Variants in DST observed in about 807,000 individuals in gnomAD.
The protein encoded by DST is bullous pemphigoid antigen.
In DST, 253 loss-of-function variants were observed where a neutral mutation model predicts 875.2. The observed-to-expected ratio is 0.29, with a 90% CI of 0.26 to 0.32. The LOEUF is 0.32. Among genes scored for constraint, DST ranks in the 10% least tolerant of loss-of-function variants. DST has a pLI of 1.00. For synonymous variants in DST, 3,124 were observed against 3,197.1 expected (o/e 0.98, Z 0.77); for missense variants, 8,287 against 9,111.6 (o/e 0.91, Z 3.68).
chr6:56,521,432 C>A (rs2096700107), intron 69 of DST, among the ~76,000 whole-genome samples: 1 of 149,876 alleles, frequency 6.7e-6, no homozygotes, highest in Non-Finnish European at 1.5e-5. Flanking sequence ...TAAAGACAGT[C>A]AGGCTGTGAA....
chr6:56,560,528 C>A, intron 57 of DST, 105 bp from the exon 58 acceptor site: 2 of 1,256,272 alleles, frequency 1.6e-6, no homozygotes, highest in South Asian at 1.6e-5. Context: ...AGGAAAAAAT[C>A]TACTGTTAAA....
At chr6:56,708,465 T>C (rs2099349923) in intron 5 of DST, among the ~76,000 whole-genome samples, 1 of 150,606 alleles carries the variant, frequency 6.6e-6, no homozygotes, top group African/African-American at 2.4e-5. Context: ...CTATCCCCAA[T>C]ACTGCCTGCT....
intron 5 of DST, among the ~76,000 whole-genome samples, chr6:56,731,868 A>G (rs1281282228): frequency 1.3e-5 from 2 of 152,216 alleles, no homozygotes; most frequent in Non-Finnish European, 2.9e-5. Context: ...GAAAGAATTT[A>G]ATAATCATGA....
At chr6:56,865,283 G>A (rs1254640786) in intron 3 of DST, among the ~76,000 whole-genome samples, 1 of 151,516 alleles carries the variant, frequency 6.6e-6, no homozygotes, top group Admixed American at 6.6e-5. Context: ...GTGTGTGTGT[G>A]TGTGTGTGTG....
In DST at chr6:56,648,563, C is replaced by T; in HGVS notation, c.1554+7G>A. 6.4e-7 allele frequency: 1 copy of T among 1,564,256 alleles called. No homozygotes were observed. The highest frequency in any genetic ancestry group is 8.7e-7 in the Non-Finnish European group (1 of 1,152,028). On this transcript the variant is annotated splice_region_variant and intron_variant, in intron 13 of 103. Coordinates refer to ENST00000680361, the MANE Select transcript of DST (RefSeq NM_001374736.1). ...CAATCCTATGTAATTTCTACAGTGA[C>T]ACTAACCTTCAGTTCTACAGGATTA...
At chr6:56,850,907 C>G (rs1479930946) in intron 4 of DST, among the ~76,000 whole-genome samples, 1 of 152,170 alleles carries the variant, frequency 6.6e-6, no homozygotes, top group Admixed American at 6.5e-5. Flanking sequence ...GACAGAGATG[C>G]TACATTTAAA....
Position 56,916,757 on chromosome 6 carries a change from C to CTCTCTCTA in DST, c.217-16137_217-16136insTAGAGAGA, listed in dbSNP as rs1801181253. Among the ~76,000 whole-genome samples, 4 of 77,902 alleles carry CTCTCTCTA rather than the reference C, an allele frequency of 5.1e-5. No homozygotes were observed. In the East Asian group the frequency reaches 1.9e-3, roughly 37 times the overall value. The allele number at this position is 77,902 out of a possible 152,430, so 51.1% of individuals were successfully genotyped here. On this transcript the variant is annotated intron_variant, in intron 2 of 103. Coordinates refer to ENST00000680361, the MANE Select transcript of DST (RefSeq NM_001374736.1). ...CAAGATCTTCTCTCTCTCTCTATCT[C>CTCTCTCTA]TCTCTCTCTCTCTCTCTCTCTCACA...
chr6:56,877,831 C>T (rs546506010), intron 3 of DST, among the ~76,000 whole-genome samples: 46 of 152,218 alleles, frequency 3.0e-4, no homozygotes, highest in Non-Finnish European at 5.6e-4. Flanking sequence ...TATTGGTTTG[C>T]TATAAGATAA....
At chr6:56,535,354 C>A (rs532932568) in intron 62 of DST, 62 bp from the exon 63 acceptor site, 4 of 1,482,926 alleles carry the variant, frequency 2.7e-6, no homozygotes, top group African/African-American at 1.5e-5. Context: ...AATCTGAGCA[C>A]AAATCACTAT....
intron 69 of DST, among the ~76,000 whole-genome samples, chr6:56,522,960 G>A (rs2096734811): frequency 6.6e-6 from 1 of 152,050 alleles, no homozygotes; most frequent in South Asian, 2.1e-4. Flanking sequence ...TAGAAAGAAA[G>A]CAACAAAGAT....
chr6:56,625,096 T>C (rs568106554), intron 35 of DST, 61 bp downstream of exon 35: 2 of 1,199,524 alleles, frequency 1.7e-6, no homozygotes, highest in African/African-American at 3.0e-5. Context: ...AAAATAAAAT[T>C]TAAAAAGTAA....
At chr6:56,952,638 AT>A (rs1288152720) in intron 2 of DST, among the ~76,000 whole-genome samples, 12 of 152,234 alleles carry the variant, frequency 7.9e-5, no homozygotes, top group African/African-American at 2.7e-4. Flanking sequence ...AATACTTATT[AT>A]GAACTAAGTG....
At chr6:56,951,928 G>A (rs74425550) in intron 2 of DST, among the ~76,000 whole-genome samples, 2,120 of 152,128 alleles carry the variant, frequency 0.014, 51 homozygotes, top group African/African-American at 0.048. Flanking sequence ...CCAACTCTGA[G>A]TTCTATTTGC....
At chr6:56,780,433 T>G (rs1260785105) in intron 4 of DST, among the ~76,000 whole-genome samples, 1 of 151,520 alleles carries the variant, frequency 6.6e-6, no homozygotes, top group Non-Finnish European at 1.5e-5. Flanking sequence ...TGGTGTGAGA[T>G]GGTATCTCAT....
In DST at chr6:56,693,034, T is replaced by C. The variant is rs779427002; in HGVS notation, c.1047+6619A>G. 19 of 1,289,810 alleles carry C rather than the reference T, an allele frequency of 1.5e-5. No homozygotes were observed. In the South Asian group the frequency reaches 2.3e-4, roughly 16 times the overall value. 79.9% of individuals were successfully genotyped at this position (1,289,810 alleles called of 1,614,324 possible). On this transcript the variant is annotated intron_variant, in intron 9 of 103. Coordinates refer to ENST00000680361, the MANE Select transcript of DST (RefSeq NM_001374736.1). ...GTCACCTCCAGTTTTTTTGATCGGT[T>C]TTCTTCTGAAATATTTTCTTCCAGG... is the stretch of plus-strand genomic sequence containing the variant.
At chr6:56,808,744 T>C (rs555728976) in intron 4 of DST, among the ~76,000 whole-genome samples, 3 of 152,328 alleles carry the variant, frequency 2.0e-5, no homozygotes, top group South Asian at 2.1e-4. Flanking sequence ...TAAGATTCAA[T>C]TGAGAGGTTA....
intron 4 of DST, among the ~76,000 whole-genome samples, chr6:56,818,773 G>A (rs2099769605): frequency 6.6e-6 from 1 of 152,120 alleles, no homozygotes. Flanking sequence ...AGGTTTCAAA[G>A]TACTCTGATA....
rs757951225 is a variant in DST, at chr6:56,620,090, A to G, written c.4929+4440T>C. 5.0e-6 allele frequency: 8 copies of G among 1,613,126 alleles called. No individual in the cohort carries two copies. Among genetic ancestry groups the G allele is most frequent in the Non-Finnish European group, 6.8e-6 (8 of 1,179,866 alleles). On this transcript the variant is annotated intron_variant, in intron 36 of 103. Transcript: ENST00000680361. Reference sequence around the variant, plus strand: ...TATTTTTCTTCTTGCTTCCAATTCAATTTTCTGCTTTTCTTTCAACTGTTT... The same window carrying G: ...TATTTTTCTTCTTGCTTCCAATTCAGTTTTCTGCTTTTCTTTCAACTGTTT...
At chr6:56,854,305 G>A (rs1484342188) in intron 3 of DST, among the ~76,000 whole-genome samples, 1 of 152,032 alleles carries the variant, frequency 6.6e-6, no homozygotes, top group Non-Finnish European at 1.5e-5. Flanking sequence ...AACCTTTGAT[G>A]TGGGGCTTAG....
Sources: gnomAD v4.1 joint callset for allele counts (sites outside exome capture counted in the v4.1 genomes callset) on GRCh38, gnomAD v4.1.1 for gene constraint, MANE v1.5 for transcripts, NCBI Gene and HGNC (gene_info 2026-07-23, HGNC 2026-07-21) for gene names.